SERINC5: variants seen among roughly 807,000 people sequenced by gnomAD.
The protein encoded by SERINC5 is chromosome 5 open reading frame 12.
In SERINC5, 41 loss-of-function variants were observed where a neutral mutation model predicts 63.1. The ratio of observed to expected loss-of-function variants is 0.65; its 90% CI spans 0.51 to 0.84. The LOEUF (loss-of-function observed/expected upper bound fraction) is 0.84, where lower values mean the gene tolerates loss of function less well. SERINC5 is among the 40% of genes least tolerant of loss of function. The probability of loss-of-function intolerance (pLI) is 0.00; values close to 1 mark genes in which losing one functional copy is unlikely to be tolerated. For missense variants in SERINC5, 523 were observed against 573.0 expected (o/e 0.91, Z 0.89); for synonymous variants, 222 against 215.2 (o/e 1.03, Z -0.28).
chr5:80,242,418 G>C (rs1751980584), intron 1 of SERINC5, among the ~76,000 whole-genome samples: 1 of 152,130 alleles, frequency 6.6e-6, no homozygotes, highest in Non-Finnish European at 1.5e-5. Context: ...AGGAGTTCGA[G>C]ACCAGCCTGG....
intron 11 of SERINC5, among the ~76,000 whole-genome samples, chr5:80,117,423 A>G (rs560621549): frequency 6.6e-6 from 1 of 152,158 alleles, no homozygotes; most frequent in South Asian, 2.1e-4. Context: ...GTGCTCAATA[A>G]TAGGTGATGG....
At chr5:80,218,908 C>CTT (rs1267914833) in intron 1 of SERINC5, among the ~76,000 whole-genome samples, 2 of 152,100 alleles carry the variant, frequency 1.3e-5, no homozygotes, top group Non-Finnish European at 2.9e-5. Flanking sequence ...ATATGTTTCT[C>CTT]TTTCAAGGTG....
At chr5:80,251,527 C>T (rs1488345474) in intron 1 of SERINC5, among the ~76,000 whole-genome samples, 9 of 151,872 alleles carry the variant, frequency 5.9e-5, no homozygotes, top group Non-Finnish European at 8.8e-5. Context: ...GTCAGGAGTT[C>T]GAGACCAGCC....
intron 1 of SERINC5, among the ~76,000 whole-genome samples, chr5:80,224,292 A>C (rs4704639): frequency 2.0e-5 from 3 of 151,756 alleles, no homozygotes; most frequent in African/African-American, 2.4e-5. Flanking sequence ...CCCTGGGCAA[A>C]GTGGCAAAAC....
intron 1 of SERINC5, among the ~76,000 whole-genome samples, chr5:80,243,050 T>C (rs1377948639): frequency 6.6e-6 from 1 of 152,186 alleles, no homozygotes; most frequent in African/African-American, 2.4e-5. Flanking sequence ...CCTTCTTCCT[T>C]GGCAATCCTT....
chr5:80,232,983 G>A (rs1226105241), intron 1 of SERINC5, among the ~76,000 whole-genome samples: 1 of 152,148 alleles, frequency 6.6e-6, no homozygotes, highest in East Asian at 1.9e-4. Context: ...GAGGGAACTG[G>A]GAGTGACTGC....
chr5:80,181,135 C>T (rs965781738), intron 2 of SERINC5, among the ~76,000 whole-genome samples: 1 of 152,168 alleles, frequency 6.6e-6, no homozygotes, highest in Non-Finnish European at 1.5e-5. Context: ...GAGGGGACAG[C>T]AGCAGTGTCA....
At chr5:80,242,618 C>T (rs903939755) in intron 1 of SERINC5, among the ~76,000 whole-genome samples, 1 of 152,188 alleles carries the variant, frequency 6.6e-6, no homozygotes, top group Non-Finnish European at 1.5e-5. Context: ...AGTGTAGTGG[C>T]ATGCGCCTGT....
At chr5:80,239,126 T>C (rs1239400856) in intron 1 of SERINC5, among the ~76,000 whole-genome samples, 1 of 152,198 alleles carries the variant, frequency 6.6e-6, no homozygotes, top group African/African-American at 2.4e-5. Context: ...AGGATCCTTC[T>C]AGCTCCAGAA....
intron 11 of SERINC5, among the ~76,000 whole-genome samples, chr5:80,126,315 T>C (rs1744747093): frequency 6.6e-6 from 1 of 152,218 alleles, no homozygotes. Flanking sequence ...ACTATGACTA[T>C]GCAGTGAGGT....
chr5:80,155,630 G>A (rs1244047752), intron 8 of SERINC5, among the ~76,000 whole-genome samples: 1 of 151,260 alleles, frequency 6.6e-6, no homozygotes, highest in African/African-American at 2.4e-5. Flanking sequence ...AGAATGCCAG[G>A]TGTCATGGTT....
rs114419595 is a variant in SERINC5 at position 80,228,778 on chromosome 5, C to A, written c.28-25725G>T. 4.9e-3 allele frequency among the ~76,000 whole-genome samples: 739 copies of A among 152,210 alleles called. 10 individuals are homozygous for A. The highest frequency in any genetic ancestry group is 0.017 in the African/African-American group (715 of 41,536). The stretch of plus-strand genomic sequence containing the variant: ...AATTCTCATTCACTATCATTCTGCA[C>A]AAAATGTCCTTGTCTAAAATTTCCC... On this transcript the variant is annotated intron_variant, in intron 1 of 11. Transcript: ENST00000507668.
chr5:80,228,247 A>G (rs1181347353), intron 1 of SERINC5, among the ~76,000 whole-genome samples: 8 of 96,800 alleles, frequency 8.3e-5, no homozygotes, highest in Non-Finnish European at 1.4e-4. Flanking sequence ...GGAGGGAGGG[A>G]AAGGAGGGAG....
At chr5:80,227,036 TAGGTGCCCCCCACC>T in intron 1 of SERINC5, among the ~76,000 whole-genome samples, 1 of 152,028 alleles carries the variant, frequency 6.6e-6, no homozygotes, top group Non-Finnish European at 1.5e-5. Context: ...GCTGGGATTA[TAGGTGCCCCCCACC>T]ACGCCCGGCT....
intron 5 of SERINC5, among the ~76,000 whole-genome samples, chr5:80,173,940 T>G (rs1295025218): frequency 6.6e-6 from 1 of 152,048 alleles, no homozygotes; most frequent in Non-Finnish European, 1.5e-5. Flanking sequence ...TAATAGAGAA[T>G]TGACACTGTA....
chr5:80,130,379 C>CA lies in SERINC5; in HGVS notation c.1238+15710dup, dbSNP rs58879386. On this transcript the variant is annotated intron_variant, in intron 11 of 12. Transcript: ENST00000509193. ...TGGGCAACAAAGCGAGATTCCATCT[C>CA]AAAAAAAAAAAAGAAGGCATTTTAA... is the stretch of plus-strand genomic sequence containing the variant. Among the ~76,000 whole-genome samples the CA allele has an allele frequency of 4.6e-3, 642 of 139,466 alleles. 1 individual carries two copies. The highest frequency in any genetic ancestry group is 0.014 in the African/African-American group (543 of 38,320). The allele number at this position is 139,466 out of a possible 152,430, so 91.5% of individuals were successfully genotyped here.
In SERINC5 at chr5:80,147,278, G is replaced by A. The variant is rs1477540523; in HGVS notation, c.1060C>T (p.Arg354Cys). The change falls in exon 10 of 12, where the codon CGC becomes TGC. Residue 354 changes from arginine (R) to cysteine (C), a missense_variant. By Grantham distance (180) the Arg-to-Cys change is radical. Transcript: ENST00000507668. ...CCAGGACTGAAGCAAAAACAACAGC[G>A]AGCTATCTGTGAAAGCAAAAGCAAC... The part of the protein sequence containing the change: ...RYAAPELEIA[R>C]CCFCFSPGGE... 4 of 1,605,684 alleles carry A rather than the reference G, an allele frequency of 2.5e-6. No homozygotes were observed. In the African/African-American group the frequency reaches 4.0e-5, roughly 16 times the overall value.
At chr5:80,188,444 A>G (rs1253428630) in intron 2 of SERINC5, among the ~76,000 whole-genome samples, 1 of 152,184 alleles carries the variant, frequency 6.6e-6, no homozygotes, top group African/African-American at 2.4e-5. Flanking sequence ...CTCAATTCTA[A>G]CTTGATTGCT....
chr5:80,241,756 C>A (rs987120302), intron 1 of SERINC5, among the ~76,000 whole-genome samples: 1 of 152,042 alleles, frequency 6.6e-6, no homozygotes, highest in African/African-American at 2.4e-5. Context: ...GGAAACTGAT[C>A]AACAATTTAT....
Sources: allele counts gnomAD v4.1 joint callset (sites outside exome capture counted in the v4.1 genomes callset), GRCh38; gene constraint gnomAD v4.1.1; transcripts MANE v1.5; gene names NCBI Gene and HGNC (gene_info 2026-07-23, HGNC 2026-07-21).